The following EBF2 variants were observed in gnomAD, a reference collection of about 807,000 sequenced individuals.
The protein encoded by EBF2 is EBF transcription factor 2.
EBF2 carries 21 observed loss-of-function variants against 72.8 expected under a neutral mutation model. The ratio of observed to expected loss-of-function variants is 0.29; its 90% CI spans 0.20 to 0.42. The LOEUF (loss-of-function observed/expected upper bound fraction) is 0.42, where lower values mean the gene tolerates loss of function less well. EBF2 is among the 10% of genes least tolerant of loss of function. The pLI, the probability that EBF2 is intolerant of heterozygous loss-of-function variation, is 1.00. For synonymous variants in EBF2, 299 were observed against 274.2 expected (o/e 1.09, Z -0.89); for missense variants, 637 against 731.2 (o/e 0.87, Z 1.49).
rs570765322 is a variant in EBF2 at position 25,866,486 on chromosome 8, TATATA to T, written c.1010-3694_1010-3690del. On this transcript the variant is annotated intron_variant, in intron 10 of 15. Transcript: ENST00000520164. ...ATATATAGGATATATAATATAAAAA[TATATA>T]ATATATATAATATATAGGACATATA... 1.0e-2 allele frequency among the ~76,000 whole-genome samples: 1,360 copies of T among 136,236 alleles called. 14 individuals carry two copies. The highest frequency in any genetic ancestry group is 0.015 in the Non-Finnish European group (958 of 65,778). 89.4% of individuals were successfully genotyped at this position (136,236 alleles called of 152,430 possible). A position where few individuals can be genotyped will look rare whatever the true frequency, so the allele number is the denominator to read the frequency against.
chr8:26,010,578 C>A (rs1804962464), intron 6 of EBF2, among the ~76,000 whole-genome samples: 1 of 152,236 alleles, frequency 6.6e-6, no homozygotes, highest in Non-Finnish European at 1.5e-5. Flanking sequence ...AGCTGAGCAC[C>A]GAGAGGAGCA....
intron 6 of EBF2, among the ~76,000 whole-genome samples, chr8:25,944,147 G>A (rs1285932857): frequency 1.3e-5 from 2 of 152,204 alleles, no homozygotes; most frequent in African/African-American, 2.4e-5. Context: ...ACGGAGATAA[G>A]AGAAAAAGCA....
intron 6 of EBF2, among the ~76,000 whole-genome samples, chr8:26,001,769 G>A (rs1384457595): frequency 1.3e-5 from 2 of 151,932 alleles, no homozygotes; most frequent in African/African-American, 2.4e-5. Flanking sequence ...GGCTGGTCTC[G>A]AACTCCTGAC....
At chr8:25,966,113 G>A (rs924267057) in intron 6 of EBF2, among the ~76,000 whole-genome samples, 1 of 152,242 alleles carries the variant, frequency 6.6e-6, no homozygotes, top group Admixed American at 6.5e-5. Context: ...CTGCAGGCCA[G>A]GCTGGCTCCT....
At chr8:26,038,382 GCTAC>G (rs1216121470) in intron 5 of EBF2, among the ~76,000 whole-genome samples, 2 of 152,132 alleles carry the variant, frequency 1.3e-5, no homozygotes, top group African/African-American at 4.8e-5. Context: ...AATTGATGCT[GCTAC>G]TTAAACAGCA....
At chr8:25,912,466 G>GCACACACACACACACACA (rs141335310) in intron 6 of EBF2, among the ~76,000 whole-genome samples, 1 of 136,856 alleles carries the variant, frequency 7.3e-6, no homozygotes, top group Non-Finnish European at 1.5e-5. Context: ...TCTAAAAATG[G>GCACACACACACACACACA]CACACACACA....
intron 6 of EBF2, among the ~76,000 whole-genome samples, chr8:25,938,603 A>G (rs1231512046): frequency 6.6e-6 from 1 of 152,208 alleles, no homozygotes; most frequent in Non-Finnish European, 1.5e-5. Context: ...AATGAAAGGC[A>G]TAATTCTTCA....
Position 25,917,082 on chromosome 8 carries a change from G to A in EBF2, c.552-8527C>T, listed in dbSNP as rs561687225. Among the ~76,000 whole-genome samples, 22 of 152,220 alleles carry A rather than the reference G, an allele frequency of 1.4e-4. 1 individual carries two copies. The South Asian group carries it at 3.3e-3, about 23-fold the overall frequency. ...GGCAAGCAGTTGACTGTAAACGGCT[G>A]CTGAAGTGCAAAAACAAGGGGCCAA... On this transcript the variant is annotated intron_variant, in intron 6 of 15. Coordinates refer to ENST00000520164, the MANE Select transcript of EBF2 (RefSeq NM_022659.4).
intron 6 of EBF2, among the ~76,000 whole-genome samples, chr8:25,950,722 T>A (rs1803846740): frequency 6.6e-6 from 1 of 152,240 alleles, no homozygotes; most frequent in Admixed American, 6.5e-5. Context: ...GTCTCAGGCA[T>A]GGAACCATGA....
At chr8:25,874,146 A>T (rs1333575036) in intron 10 of EBF2, among the ~76,000 whole-genome samples, 5 of 151,798 alleles carry the variant, frequency 3.3e-5, no homozygotes, top group Admixed American at 1.3e-4. Context: ...TTCAATGGGA[A>T]TTTTTTTTTC....
At chr8:25,858,545 G>T in intron 13 of EBF2, 41 bp from the exon 14 acceptor site, 1 of 1,585,730 alleles carries the variant, frequency 6.3e-7, no homozygotes, top group East Asian at 2.2e-5. Context: ...CAACAGGCGT[G>T]CACAGTCAGG....
chr8:25,889,899 G>A, intron 7 of EBF2, 30 bp from the exon 8 acceptor site: 1 of 1,581,592 alleles, frequency 6.3e-7, no homozygotes, highest in Middle Eastern at 1.7e-4. Context: ...AGGAGAAAGG[G>A]GGTGCAGTGG....
intron 6 of EBF2, among the ~76,000 whole-genome samples, chr8:25,956,200 C>T (rs1803943509): frequency 6.6e-6 from 1 of 152,048 alleles, no homozygotes; most frequent in Non-Finnish European, 1.5e-5. Context: ...GGGCAGATCA[C>T]CTGAGGTCGG....
At position 25,992,523 on chromosome 8, in the gene EBF2, G is replaced by T. The variant is rs191555625; in HGVS notation, c.551+40562C>A. On this transcript the variant is annotated intron_variant, in intron 6 of 15. Transcript: ENST00000520164. ...CTTGGTCAGAACCTAGATTAAGAGA[G>T]TGGAGAGGATTCAAGTGTCGTTTGT... 4.6e-5 allele frequency among the ~76,000 whole-genome samples: 7 copies of T among 152,148 alleles called. No individual in the cohort carries two copies. In the East Asian group the frequency reaches 1.4e-3, roughly 30 times the overall value.
At chr8:25,924,992 T>G (rs1306433101) in intron 6 of EBF2, among the ~76,000 whole-genome samples, 1 of 152,146 alleles carries the variant, frequency 6.6e-6, no homozygotes. Flanking sequence ...GACCTGTTTT[T>G]GGGGGCTTTG....
intron 10 of EBF2, among the ~76,000 whole-genome samples, chr8:25,884,089 G>A (rs1231098005): frequency 4.6e-5 from 7 of 152,028 alleles, no homozygotes; most frequent in Non-Finnish European, 7.4e-5. Flanking sequence ...CATCTTCCAC[G>A]TCTTCCCATC....
At chr8:25,844,878 G>A (rs1211833381) in intron 15 of EBF2, among the ~76,000 whole-genome samples, 1 of 152,206 alleles carries the variant, frequency 6.6e-6, no homozygotes, top group African/African-American at 2.4e-5. Context: ...GTTTTGCCTG[G>A]GAGGCCAGGA....
At position 25,843,955 on chromosome 8, in the gene EBF2, CTCTT is replaced by C. The variant is rs1389481187; in HGVS notation, c.*650_*653del. 6.6e-6 allele frequency: 1 copy of C among 152,102 alleles called. No homozygotes were observed. Among genetic ancestry groups the C allele is most frequent in the African/African-American group, 2.4e-5 (1 of 41,512 alleles). The allele number at this position is 152,102 out of a possible 1,614,324, so 9.4% of individuals were successfully genotyped here. A position where few individuals can be genotyped will look rare whatever the true frequency, so the allele number is the denominator to read the frequency against. On this transcript the variant is annotated 3_prime_UTR_variant, in exon 16 of 16. Coordinates refer to ENST00000520164, the MANE Select transcript of EBF2 (RefSeq NM_022659.4). Reference sequence around the variant, plus strand: ...TTACATCAGGAAGAGAAATCCCTCTCTCTTCCAAAAAAAGGTCTTAATTTCTACC... The same window carrying C: ...TTACATCAGGAAGAGAAATCCCTCTCCCAAAAAAAGGTCTTAATTTCTACC...
chr8:25,880,597 G>T (rs1016364853), intron 10 of EBF2, among the ~76,000 whole-genome samples: 2 of 152,086 alleles, frequency 1.3e-5, no homozygotes, highest in Non-Finnish European at 2.9e-5. Flanking sequence ...TCTGTTGCAT[G>T]ACATTTCTAT....
Sources: gnomAD v4.1 joint callset for allele counts (sites outside exome capture counted in the v4.1 genomes callset) on GRCh38, gnomAD v4.1.1 for gene constraint, MANE v1.5 for transcripts, NCBI Gene and HGNC (gene_info 2026-07-23, HGNC 2026-07-21) for gene names.